ZEB1: variants seen among roughly 807,000 people sequenced by gnomAD.
ZEB1 encodes zinc finger E-box binding homeobox 1.
In ZEB1, 21 loss-of-function variants were observed where a neutral mutation model predicts 84.9. The observed-to-expected ratio is 0.25, with a 90% CI of 0.18 to 0.36. ZEB1 has a LOEUF of 0.36. Ranked by LOEUF, ZEB1 falls within the 10% of genes least tolerant of loss-of-function variation. The probability of loss-of-function intolerance (pLI) is 1.00; values close to 1 mark genes in which losing one functional copy is unlikely to be tolerated. For synonymous variants in ZEB1, 420 were observed against 471.1 expected (o/e 0.89, Z 1.41); for missense variants, 1,104 against 1,330.2 (o/e 0.83, Z 2.65).
intron 6 of ZEB1, among the ~76,000 whole-genome samples, chr10:31,515,346 T>G (rs2070879567): frequency 6.6e-6 from 1 of 152,084 alleles, no homozygotes; most frequent in African/African-American, 2.4e-5. Flanking sequence ...TTGCATTTCT[T>G]TGGAGACACT....
chr10:31,496,887 C>T (rs1205203032), intron 3 of ZEB1, among the ~76,000 whole-genome samples: 1 of 152,014 alleles, frequency 6.6e-6, no homozygotes, highest in Non-Finnish European at 1.5e-5. Flanking sequence ...CAATAGCACT[C>T]CTATACTCGT....
chr10:31,474,173 C>G (rs904114269), intron 2 of ZEB1, among the ~76,000 whole-genome samples: 8 of 152,072 alleles, frequency 5.3e-5, no homozygotes, highest in Admixed American at 1.3e-4. Context: ...GTCTAAAACA[C>G]CAAAAGCAAT....
At chr10:31,342,636 G>C (rs927671459) in intron 1 of ZEB1, among the ~76,000 whole-genome samples, 1 of 152,072 alleles carries the variant, frequency 6.6e-6, no homozygotes, top group Non-Finnish European at 1.5e-5. Flanking sequence ...AAATGAAGTG[G>C]TATAATTGGA....
chr10:31,432,470 T>C (rs1207362648), intron 1 of ZEB1, among the ~76,000 whole-genome samples: 1 of 152,124 alleles, frequency 6.6e-6, no homozygotes, highest in Non-Finnish European at 1.5e-5. Context: ...GTGCCTGTGG[T>C]CCCAGCTACT....
intron 1 of ZEB1, among the ~76,000 whole-genome samples, chr10:31,373,471 T>C (rs2046073890): frequency 1.3e-5 from 2 of 151,868 alleles, no homozygotes; most frequent in African/African-American, 4.8e-5. Flanking sequence ...TTATTTAAAA[T>C]AGTATATTAT....
chr10:31,375,396 G>GAATTTCTAA (rs2046455145), intron 1 of ZEB1, among the ~76,000 whole-genome samples: 1 of 151,748 alleles, frequency 6.6e-6, no homozygotes, highest in African/African-American at 2.4e-5. Context: ...ATTTTTCTTT[G>GAATTTCTAA]ACAGCTCTTT....
chr10:31,398,202 AGAAAACATTT>A (rs1306201375), intron 1 of ZEB1, among the ~76,000 whole-genome samples: 1 of 152,194 alleles, frequency 6.6e-6, no homozygotes, highest in Admixed American at 6.5e-5. Flanking sequence ...AGAAGGCAAA[AGAAAACATTT>A]GTACCTGTTA....
chr10:31,319,187 G>A (rs778548129), upstream of ZEB1: 77 of 1,481,770 alleles, frequency 5.2e-5, no homozygotes, highest in Non-Finnish European at 6.8e-5. Context: ...GGAAGGGGGA[G>A]GGAGGGGGAG....
At chr10:31,319,984 A>T (rs1341062714) in intron 1 of ZEB1, 1 of 149,680 alleles carries the variant, frequency 6.7e-6, no homozygotes, top group Non-Finnish European at 1.5e-5. Flanking sequence ...CCGCGGGCGG[A>T]CAGGGTTCGG....
At chr10:31,354,543 C>T (rs1374930404) in intron 1 of ZEB1, among the ~76,000 whole-genome samples, 1 of 152,142 alleles carries the variant, frequency 6.6e-6, no homozygotes, top group Non-Finnish European at 1.5e-5. Flanking sequence ...TGCTGCTCTT[C>T]CTGATCTTTA....
intron 1 of ZEB1, chr10:31,321,434 A>G: frequency 6.2e-7 from 1 of 1,613,624 alleles, no homozygotes; most frequent in Non-Finnish European, 8.5e-7. Context: ...CAAGGAGTGG[A>G]GCATAGGCTA....
At chr10:31,468,413 A>G (rs768047093) in intron 2 of ZEB1, among the ~76,000 whole-genome samples, 2 of 152,182 alleles carry the variant, frequency 1.3e-5, no homozygotes, top group African/African-American at 2.4e-5. Context: ...GCAACTGTTG[A>G]TATCATTGCA....
At chr10:31,373,293 G>C in intron 1 of ZEB1, 1 of 899,718 alleles carries the variant, frequency 1.1e-6, no homozygotes, top group Non-Finnish European at 1.3e-6. Context: ...ACAAGTGTTT[G>C]AATTTTATAT....
At chr10:31,505,639 C>T (rs759747542) in intron 4 of ZEB1, among the ~76,000 whole-genome samples, 4 of 151,704 alleles carry the variant, frequency 2.6e-5, no homozygotes, top group Non-Finnish European at 4.4e-5. Flanking sequence ...TTTGCATCTT[C>T]TCTGTTCTTT....
chr10:31,495,801 G>A lies in ZEB1; in HGVS notation c.285G>A (p.Leu95=). ...CAGGAAAGGAAGGGCAAGAAATCCT[G>A]GGGCCTGAAGCTCAGGCAGATGAAG... ...DDTGKEGQEI[L]GPEAQADEAG... Residue 95 remains leucine (L), a synonymous_variant, in exon 3 of 9, where the codon CTG becomes CTA. Transcript: ENST00000424869. 6.2e-7 allele frequency: 1 copy of A among 1,612,910 alleles called. No individual in the cohort carries two copies. The highest frequency in any genetic ancestry group is 8.5e-7 in the Non-Finnish European group (1 of 1,179,140).
intron 1 of ZEB1, among the ~76,000 whole-genome samples, chr10:31,431,380 A>T (rs1368685021): frequency 1.3e-5 from 2 of 152,206 alleles, no homozygotes; most frequent in African/African-American, 4.8e-5. Flanking sequence ...CCAAGAAGCA[A>T]TCATTCATTA....
chr10:31,495,830 G>T lies in ZEB1; in HGVS notation c.314G>T (p.Gly105Val). The part of the protein sequence containing the change: ...LGPEAQADEA[G>V]CTVKDDECES... Reference sequence around the variant, plus strand: ...CCTGAAGCTCAGGCAGATGAAGCAGGATGTACAGGTACTCTGCTGCGACTT... The same window carrying T: ...CCTGAAGCTCAGGCAGATGAAGCAGTATGTACAGGTACTCTGCTGCGACTT... Residue 105 changes from glycine (G) to valine (V), a missense_variant, in exon 3 of 9, where the codon GGA becomes GTA. Coordinates refer to ENST00000424869, the MANE Select transcript of ZEB1 (RefSeq NM_001174096.2). 6.2e-7 allele frequency: 1 copy of T among 1,612,908 alleles called. No homozygotes were observed. The highest frequency in any genetic ancestry group is 1.1e-5 in the South Asian group (1 of 91,050).
At chr10:31,458,312 CGTGTGTGT>C (rs775810348) in intron 1 of ZEB1, among the ~76,000 whole-genome samples, 1 of 123,116 alleles carries the variant, frequency 8.1e-6, no homozygotes, top group Non-Finnish European at 1.5e-5. Context: ...ATCTCCATTC[CGTGTGTGT>C]GTGTGTGTGT....
intron 1 of ZEB1, among the ~76,000 whole-genome samples, chr10:31,443,297 A>T (rs1029079341): frequency 6.6e-6 from 1 of 151,228 alleles, no homozygotes; most frequent in Admixed American, 6.6e-5. Flanking sequence ...ATTTTTCACA[A>T]TTTGTCGTTT....
Sources: allele counts gnomAD v4.1 joint callset (sites outside exome capture counted in the v4.1 genomes callset), GRCh38; gene constraint gnomAD v4.1.1; transcripts MANE v1.5; gene names NCBI Gene and HGNC (gene_info 2026-07-23, HGNC 2026-07-21).